KCNJ3: variants seen among roughly 807,000 people sequenced by gnomAD.
KCNJ3 encodes the protein G protein-activated inward rectifier potassium channel 1.
In KCNJ3, 4 loss-of-function variants were observed where a neutral mutation model predicts 39.2. The ratio of observed to expected loss-of-function variants is 0.10; its 90% confidence interval spans 0.05 to 0.23. The LOEUF is 0.23. Ranked by LOEUF, KCNJ3 falls within the 10% of genes least tolerant of loss-of-function variation. KCNJ3 has a pLI of 1.00. For synonymous variants in KCNJ3, 230 were observed against 237.4 expected (o/e 0.97, Z 0.29); for missense variants, 276 against 634.9 (o/e 0.43, Z 6.08).
At chr2:154,834,221 G>A (rs889350080) in intron 2 of KCNJ3, among the ~76,000 whole-genome samples, 2 of 152,070 alleles carry the variant, frequency 1.3e-5, no homozygotes, top group Non-Finnish European at 2.9e-5. Context: ...CAATGTTTTG[G>A]ATTTTAGCCA....
rs1429103934 is a variant in KCNJ3, at chr2:154,857,275, A to G, written c.*1962A>G. 2.6e-5 allele frequency: 4 copies of G among 152,128 alleles called. No homozygotes were observed. The highest frequency in any genetic ancestry group is 4.4e-5 in the Non-Finnish European group (3 of 68,014). 9.4% of individuals were successfully genotyped at this position (152,128 alleles called of 1,614,324 possible). On this transcript the variant is annotated 3_prime_UTR_variant, in exon 3 of 3. Transcript: ENST00000295101. ...TGGTATATTTATCAGCAGTGGAAAA[A>G]AAGTGCATAGATCATTTAGTCCAAG...
At position 154,810,766 on chromosome 2, in the gene KCNJ3, A is replaced by G. The variant is rs149612718; in HGVS notation, c.920-43961A>G. Among the ~76,000 whole-genome samples, 940 of 152,338 alleles carry G rather than the reference A, an allele frequency of 6.2e-3. 3 individuals carry two copies. The highest frequency in any genetic ancestry group is 0.014 in the Middle Eastern group (4 of 292). On this transcript the variant is annotated intron_variant, in intron 2 of 2. Transcript: ENST00000295101. Reference sequence around the variant, plus strand: ...AGCTAGAAATATAATTGAAGTATTTATCTGAGCTCAATGTGGCTAAGCTAT... The same window carrying G: ...AGCTAGAAATATAATTGAAGTATTTGTCTGAGCTCAATGTGGCTAAGCTAT...
intron 2 of KCNJ3, among the ~76,000 whole-genome samples, chr2:154,804,473 G>A (rs902670755): frequency 6.6e-6 from 1 of 152,042 alleles, no homozygotes; most frequent in African/African-American, 2.4e-5. Flanking sequence ...TGTTTTAGAA[G>A]ATATTTCACA....
chr2:154,756,407 T>A (rs2105185349), intron 2 of KCNJ3, among the ~76,000 whole-genome samples: 1 of 152,284 alleles, frequency 6.6e-6, no homozygotes, highest in Admixed American at 6.5e-5. Context: ...GAATATCAGA[T>A]AGATATATAA....
At chr2:154,850,723 A>C (rs1441400735) in intron 2 of KCNJ3, among the ~76,000 whole-genome samples, 1 of 152,178 alleles carries the variant, frequency 6.6e-6, no homozygotes, top group Admixed American at 6.6e-5. Flanking sequence ...AACAAAGGTT[A>C]AGGTGCTGGC....
chr2:154,818,776 TG>T (rs1228839575), intron 2 of KCNJ3, among the ~76,000 whole-genome samples: 2 of 152,182 alleles, frequency 1.3e-5, no homozygotes, highest in Non-Finnish European at 1.5e-5. Context: ...ATTACATGCA[TG>T]GAAGTTTCAA....
chr2:154,727,011 G>A (rs1685371959), intron 2 of KCNJ3, among the ~76,000 whole-genome samples: 1 of 152,098 alleles, frequency 6.6e-6, no homozygotes, highest in South Asian at 2.1e-4. Flanking sequence ...TGGGGACTAA[G>A]AGGAAAGGGT....
chr2:154,749,312 C>T (rs956701350), intron 2 of KCNJ3, among the ~76,000 whole-genome samples: 8 of 152,054 alleles, frequency 5.3e-5, no homozygotes, highest in African/African-American at 1.9e-4. Context: ...ATAGCAGGCT[C>T]ATCTACATGT....
At chr2:154,785,221 C>T (rs569256128) in intron 2 of KCNJ3, among the ~76,000 whole-genome samples, 16 of 152,270 alleles carry the variant, frequency 1.1e-4, no homozygotes, top group Admixed American at 3.9e-4. Flanking sequence ...CCTGTAGTAA[C>T]GAAATTCCAC....
chr2:154,854,554 A>C (rs899066024), intron 2 of KCNJ3, among the ~76,000 whole-genome samples, 173 bp from the exon 3 acceptor site: 1 of 152,168 alleles, frequency 6.6e-6, no homozygotes, highest in African/African-American at 2.4e-5. Context: ...AAGAAAGTAT[A>C]TGTATCAAAG....
intron 2 of KCNJ3, among the ~76,000 whole-genome samples, chr2:154,760,132 C>T (rs1686012656): frequency 6.6e-6 from 1 of 152,192 alleles, no homozygotes; most frequent in Non-Finnish European, 1.5e-5. Flanking sequence ...CTAACACATC[C>T]TAACCAGCAC....
Position 154,699,187 on chromosome 2 carries a change from A to T in KCNJ3, c.412A>T (p.Ile138Phe), listed in dbSNP as rs760808775. 1 of 1,614,096 alleles carries T rather than the reference A, an allele frequency of 6.2e-7. No individual in the cohort carries two copies. The highest frequency in any genetic ancestry group is 1.7e-5 in the Admixed American group (1 of 60,022). ...YNFPSAFLFF[I>F]ETEATIGYGY... ...CTTCCCTTCTGCCTTCCTCTTCTTC[A>T]TCGAGACGGAGGCCACCATCGGCTA... The change falls in exon 1 of 3, where the codon ATC (isoleucine) becomes TTC (phenylalanine). Residue 138 changes from isoleucine to phenylalanine, a missense_variant. This residue lies in a region of KCNJ3 where 46 missense variants were observed against 206.6 expected (regional missense o/e 0.22). Coordinates refer to ENST00000295101, the MANE Select transcript of KCNJ3 (RefSeq NM_002239.4). This position sits in a 1 kb window ranked among gnomAD's most constrained non-coding sequence, Gnocchi z 6.4.
At chr2:154,743,457 T>C (rs1685686827) in intron 2 of KCNJ3, among the ~76,000 whole-genome samples, 1 of 151,824 alleles carries the variant, frequency 6.6e-6, no homozygotes, top group Non-Finnish European at 1.5e-5. Context: ...ATCTTAACAA[T>C]ATTGTCTTCC....
rs553630537 is a variant in KCNJ3 at position 154,706,430 on chromosome 2, C to T, written c.703-3173C>T. ...CTGAGTGAAATAGGGTAGTTAATTG[C>T]TAAATAATATGAAACTGATGAAATA... On this transcript the variant is annotated intron_variant, in intron 1 of 2. Transcript: ENST00000295101. 1.3e-4 allele frequency among the ~76,000 whole-genome samples: 20 copies of T among 152,084 alleles called. No homozygotes were observed. In the South Asian group the frequency reaches 3.1e-3, roughly 24 times the overall value.
At chr2:154,729,156 T>C (rs960968871) in intron 2 of KCNJ3, among the ~76,000 whole-genome samples, 3 of 152,160 alleles carry the variant, frequency 2.0e-5, no homozygotes, top group African/African-American at 7.2e-5. Context: ...AAAACCTTTT[T>C]AGTGAGTGCC....
At chr2:154,777,762 A>G (rs1450543615) in intron 2 of KCNJ3, among the ~76,000 whole-genome samples, 2 of 152,176 alleles carry the variant, frequency 1.3e-5, no homozygotes, top group Non-Finnish European at 2.9e-5. Flanking sequence ...TTTCGCATAA[A>G]CCTACTGAAT....
chr2:154,727,771 G>A (rs991365907), intron 2 of KCNJ3, among the ~76,000 whole-genome samples: 2 of 151,580 alleles, frequency 1.3e-5, no homozygotes, highest in African/African-American at 2.4e-5. Context: ...TAAAAATGGC[G>A]TTTATAATAG....
chr2:154,818,918 C>CTTTTTTTTTT lies in KCNJ3; in HGVS notation c.920-35786_920-35777dup, dbSNP rs57668487. ...GAGCTTGAGCTGTAGCTGCAAAAGC[C>CTTTTTTTTTT]TTTTTTTTTTTTTTTTTTTTTTTTT... is the stretch of plus-strand genomic sequence containing the variant. On this transcript the variant is annotated intron_variant, in intron 2 of 2. Coordinates refer to ENST00000295101, the MANE Select transcript of KCNJ3 (RefSeq NM_002239.4). Among the ~76,000 whole-genome samples, 135 of 52,432 alleles carry CTTTTTTTTTT rather than the reference C, an allele frequency of 2.6e-3. 6 individuals are homozygous for CTTTTTTTTTT. Among genetic ancestry groups the CTTTTTTTTTT allele is most frequent in the South Asian group, 4.7e-3 (4 of 848 alleles). The allele number at this position is 52,432 out of a possible 152,430, so 34.4% of individuals were successfully genotyped here. A position where few individuals can be genotyped will look rare whatever the true frequency, so the allele number is the denominator to read the frequency against.
intron 2 of KCNJ3, among the ~76,000 whole-genome samples, chr2:154,717,147 G>A (rs1685195375): frequency 1.3e-5 from 2 of 152,236 alleles, no homozygotes; most frequent in Non-Finnish European, 2.9e-5. Flanking sequence ...CAGCAGGAGA[G>A]TAGAGGGAGC....
Sources: gnomAD v4.1 joint callset for allele counts (sites outside exome capture counted in the v4.1 genomes callset) on GRCh38, gnomAD v4.1.1 for gene constraint, gnomAD v4.1.1 regional missense constraint, Gnocchi (gnomAD v3.1) non-coding constraint, MANE v1.5 for transcripts, NCBI Gene and HGNC (gene_info 2026-07-23, HGNC 2026-07-21) for gene names.